Variants in SGCZ observed in about 807,000 individuals in gnomAD.
SGCZ encodes the protein sarcoglycan zeta.
In SGCZ, 40 loss-of-function variants were observed where a neutral mutation model predicts 41.3. The ratio of observed to expected loss-of-function variants is 0.97; its 90% CI spans 0.75 to 1.26. SGCZ has a LOEUF of 1.26. SGCZ is among the 50% of genes most tolerant of loss of function. The pLI is 0.00. For missense variants in SGCZ, 552 were observed against 369.8 expected (o/e 1.49, Z -4.04); for synonymous variants, 206 against 137.5 (o/e 1.50, Z -3.49).
At chr8:14,237,804 A>G (rs1463933731) in intron 3 of SGCZ, 125 bp from the exon 4 acceptor site, 1 of 720,922 alleles carries the variant, frequency 1.4e-6, no homozygotes, top group Non-Finnish European at 2.2e-6. Flanking sequence ...TAGACAGTTA[A>G]TTTAACGTCC....
At chr8:14,323,941 T>A (rs1213409133) in intron 3 of SGCZ, among the ~76,000 whole-genome samples, 162 bp downstream of exon 3, 2 of 152,090 alleles carry the variant, frequency 1.3e-5, no homozygotes, top group African/African-American at 4.8e-5. Context: ...TAACCTCCAC[T>A]GATTTTCAAT....
At chr8:15,080,671 A>T (rs1230282384) in intron 1 of SGCZ, among the ~76,000 whole-genome samples, 1 of 151,876 alleles carries the variant, frequency 6.6e-6, no homozygotes, top group Non-Finnish European at 1.5e-5. Context: ...GCTCACTGCA[A>T]CCTCCGCCTC....
At chr8:14,605,836 G>A (rs763088123) in intron 1 of SGCZ, among the ~76,000 whole-genome samples, 2 of 152,124 alleles carry the variant, frequency 1.3e-5, no homozygotes, top group African/African-American at 4.8e-5. Context: ...AAATAAAAAG[G>A]AATAACTGAA....
At chr8:14,749,298 GCT>G (rs1563244516) in intron 1 of SGCZ, among the ~76,000 whole-genome samples, 1 of 152,136 alleles carries the variant, frequency 6.6e-6, no homozygotes, top group East Asian at 1.9e-4. Flanking sequence ...AGAGTTCCCT[GCT>G]CTGTTTCCCA....
chr8:14,249,824 A>G (rs1176749631), intron 3 of SGCZ, among the ~76,000 whole-genome samples: 1 of 152,164 alleles, frequency 6.6e-6, no homozygotes, highest in East Asian at 1.9e-4. Context: ...CTAATGGAAG[A>G]TAAACCAAGC....
chr8:14,293,515 A>C (rs1800910801), intron 3 of SGCZ, among the ~76,000 whole-genome samples: 1 of 151,900 alleles, frequency 6.6e-6, no homozygotes, highest in Non-Finnish European at 1.5e-5. Flanking sequence ...TAGACTTTTA[A>C]CTCCGAATGA....
At chr8:14,376,509 G>A (rs1000773895) in intron 2 of SGCZ, among the ~76,000 whole-genome samples, 14 of 152,066 alleles carry the variant, frequency 9.2e-5, no homozygotes, top group Non-Finnish European at 1.6e-4. Context: ...GAGATAGAAA[G>A]CTTAGATGAA....
At position 14,713,442 on chromosome 8, in the gene SGCZ, G is replaced by A. The variant is rs371623232; in HGVS notation, c.40-158516C>T. 1.3e-3 allele frequency among the ~76,000 whole-genome samples: 198 copies of A among 152,170 alleles called. 3 individuals carry two copies. The highest frequency in any genetic ancestry group is 0.012 in the South Asian group (60 of 4,822). ...GGAAAAAAGTATAAAATCAGGAGGA[G>A]GGAAATAAATTATTGAGCTAGGACA... is the stretch of plus-strand genomic sequence containing the variant. On this transcript the variant is annotated intron_variant, in intron 1 of 7. Transcript: ENST00000382080.
At chr8:14,743,928 C>G (rs892899614) in intron 1 of SGCZ, among the ~76,000 whole-genome samples, 1 of 151,964 alleles carries the variant, frequency 6.6e-6, no homozygotes, top group African/African-American at 2.4e-5. Flanking sequence ...TCTGGGGATC[C>G]GAAAGGACAG....
intron 2 of SGCZ, among the ~76,000 whole-genome samples, chr8:14,482,666 TGC>T (rs1563358266): frequency 2.6e-5 from 4 of 152,006 alleles, no homozygotes; most frequent in Admixed American, 2.0e-4. Context: ...TATTAGCATC[TGC>T]GAAATAAGTA....
At chr8:14,955,868 G>C (rs750607809) in intron 1 of SGCZ, among the ~76,000 whole-genome samples, 1 of 151,980 alleles carries the variant, frequency 6.6e-6, no homozygotes. Flanking sequence ...ACTTCTTATG[G>C]TGTCTTTTGA....
chr8:14,942,325 A>G (rs532597396), intron 1 of SGCZ, among the ~76,000 whole-genome samples: 14 of 152,172 alleles, frequency 9.2e-5, no homozygotes, highest in Non-Finnish European at 1.6e-4. Context: ...TACATTTACC[A>G]TGAGAAATAA....
chr8:15,154,618 TGTAA>T (rs1258884030), intron 1 of SGCZ, among the ~76,000 whole-genome samples: 2 of 152,226 alleles, frequency 1.3e-5, no homozygotes, highest in African/African-American at 4.8e-5. Context: ...TGCTCTGAGT[TGTAA>T]GTAACAGGTG....
At position 14,620,378 on chromosome 8, in the gene SGCZ, G is replaced by A. The variant is rs191746801; in HGVS notation, c.40-65452C>T. Among the ~76,000 whole-genome samples, 623 of 152,276 alleles carry A rather than the reference G, an allele frequency of 4.1e-3. 4 individuals carry two copies. The highest frequency in any genetic ancestry group is 0.012 in the African/African-American group (513 of 41,556). On this transcript the variant is annotated intron_variant, in intron 1 of 7. Coordinates refer to ENST00000382080, the MANE Select transcript of SGCZ (RefSeq NM_139167.4). ...CAATACCATTCAGGTCATAGGCATG[G>A]AGAAGGACTTCATGTCTAAAACACC...
At chr8:14,856,607 C>G (rs992732709) in intron 1 of SGCZ, among the ~76,000 whole-genome samples, 1 of 152,070 alleles carries the variant, frequency 6.6e-6, no homozygotes, top group Non-Finnish European at 1.5e-5. Context: ...TTAAAGCCCT[C>G]CCCCAAATAA....
At chr8:14,928,525 T>C (rs1305725473) in intron 1 of SGCZ, among the ~76,000 whole-genome samples, 1 of 152,236 alleles carries the variant, frequency 6.6e-6, no homozygotes, top group Non-Finnish European at 1.5e-5. Flanking sequence ...TGCTGATTTT[T>C]ACAATTTGCC....
At chr8:15,031,929 CTCTCTCTCTG>C (rs1803683592) in intron 1 of SGCZ, among the ~76,000 whole-genome samples, 1 of 151,634 alleles carries the variant, frequency 6.6e-6, no homozygotes, top group African/African-American at 2.4e-5. Context: ...CTCTCTCTCT[CTCTCTCTCTG>C]TCTGTCTGTC....
chr8:14,859,441 C>G (rs764402902), intron 1 of SGCZ, among the ~76,000 whole-genome samples: 38 of 152,042 alleles, frequency 2.5e-4, no homozygotes, highest in Non-Finnish European at 5.0e-4. Flanking sequence ...ATTATAAAAA[C>G]TAGTTTAACC....
intron 2 of SGCZ, among the ~76,000 whole-genome samples, chr8:14,378,768 G>C (rs1039151163): frequency 6.6e-6 from 1 of 152,070 alleles, no homozygotes; most frequent in African/African-American, 2.4e-5. Flanking sequence ...AATAGTGTCA[G>C]AATTAAATTA....
Sources: gnomAD v4.1 joint callset for allele counts (sites outside exome capture counted in the v4.1 genomes callset) on GRCh38, gnomAD v4.1.1 for gene constraint, MANE v1.5 for transcripts, NCBI Gene and HGNC (gene_info 2026-07-23, HGNC 2026-07-21) for gene names.